Variants in GFRA2 observed in about 807,000 individuals in gnomAD.
GFRA2 encodes the protein GDNF family receptor alpha 2.
Under a neutral mutation model 48.3 loss-of-function variants are expected in GFRA2, and 17 were observed. The ratio of observed to expected loss-of-function variants is 0.35; its 90% confidence interval spans 0.24 to 0.53. The LOEUF is 0.53. GFRA2 is among the 20% of genes least tolerant of loss of function. GFRA2 has a pLI of 0.93. For missense variants in GFRA2, 660 were observed against 637.3 expected (o/e 1.04, Z -0.38); for synonymous variants, 305 against 257.2 (o/e 1.19, Z -1.78).
intron 4 of GFRA2, among the ~76,000 whole-genome samples, chr8:21,743,251 G>A (rs1220224731): frequency 3.9e-5 from 6 of 152,040 alleles, no homozygotes; most frequent in East Asian, 1.9e-4. Flanking sequence ...TTTTCCCCCC[G>A]ACACTCCTCT....
At chr8:21,791,263 C>G (rs1394287608), upstream of GFRA2, among the ~76,000 whole-genome samples, 1 of 152,158 alleles carries the variant, frequency 6.6e-6, no homozygotes, top group African/African-American at 2.4e-5. Flanking sequence ...CACTGAGCTC[C>G]CACGGGAGTA....
intron 4 of GFRA2, among the ~76,000 whole-genome samples, chr8:21,734,639 C>T (rs1804360636): frequency 6.6e-6 from 1 of 152,234 alleles, no homozygotes; most frequent in Non-Finnish European, 1.5e-5. Flanking sequence ...TCGCCCTGTG[C>T]CATGGAAGCT....
Position 21,785,557 on chromosome 8 carries a change from G to A in GFRA2, c.40+2563C>T, listed in dbSNP as rs1807228415. Among the ~76,000 whole-genome samples, 3 of 152,318 alleles carry A rather than the reference G, an allele frequency of 2.0e-5. No homozygotes were observed. In the South Asian group the frequency reaches 6.2e-4, roughly 32 times the overall value. Reference sequence around the variant, plus strand: ...ATCAAGACACAGGGAGTAGCTGCTAGAGACACAGGGGTAGAGGGGGGTGGA... The same window carrying A: ...ATCAAGACACAGGGAGTAGCTGCTAAAGACACAGGGGTAGAGGGGGGTGGA... On this transcript the variant is annotated intron_variant, in intron 1 of 8. Coordinates refer to ENST00000524240, the MANE Select transcript of GFRA2 (RefSeq NM_001495.5).
At chr8:21,736,829 T>A (rs1804487716) in intron 4 of GFRA2, among the ~76,000 whole-genome samples, 1 of 149,184 alleles carries the variant, frequency 6.7e-6, no homozygotes, top group Admixed American at 6.8e-5. Context: ...AGGGCTTTTA[T>A]AATCAACAAA....
chr8:21,756,249 AG>A (rs1368203194), intron 3 of GFRA2, among the ~76,000 whole-genome samples: 1 of 152,182 alleles, frequency 6.6e-6, no homozygotes, highest in Non-Finnish European at 1.5e-5. Context: ...AGCTTTTGCT[AG>A]GGGGCAGAAC....
chr8:21,703,990 C>A (rs1030182959), intron 6 of GFRA2, among the ~76,000 whole-genome samples: 11 of 152,274 alleles, frequency 7.2e-5, no homozygotes, highest in Admixed American at 2.0e-4. Flanking sequence ...ACCACTGTCA[C>A]CCCTGCAGGA....
At chr8:21,720,892 G>C (rs193170108) in intron 4 of GFRA2, among the ~76,000 whole-genome samples, 1 of 152,024 alleles carries the variant, frequency 6.6e-6, no homozygotes, top group East Asian at 1.9e-4. Flanking sequence ...CTTCAGAATA[G>C]AAACCATCTT....
intron 4 of GFRA2, among the ~76,000 whole-genome samples, chr8:21,711,473 C>T (rs751811959): frequency 1.2e-4 from 19 of 152,228 alleles, no homozygotes; most frequent in South Asian, 1.2e-3. Context: ...CCTCTCTGGG[C>T]GTGTTTCCTT....
Position 21,693,382 on chromosome 8 carries a change from GGAT to G in GFRA2, c.1288_1290del (p.Ile430del), listed in dbSNP as rs1563208633. On this transcript the variant is annotated inframe_deletion, in exon 9 of 9. Coordinates refer to ENST00000524240, the MANE Select transcript of GFRA2 (RefSeq NM_001495.5). ...GGTTTGATCACCTTGTTACTCCCTG[GGAT>G]GATATTTGTCGTGAGCTGAGTCCGC... 1.7e-5 allele frequency: 27 copies of G among 1,611,600 alleles called. No homozygotes were observed. The highest frequency in any genetic ancestry group is 5.0e-5 in the Admixed American group (3 of 59,700).
At chr8:21,811,295 T>C (rs1342211419) in intron 1 of GFRA2, among the ~76,000 whole-genome samples, 4 of 152,198 alleles carry the variant, frequency 2.6e-5, no homozygotes. Flanking sequence ...CGGCCAGAGC[T>C]GGACTGAGAT....
At chr8:21,789,071 G>A, upstream of GFRA2, 1 of 159,810 alleles carries the variant, frequency 6.3e-6, no homozygotes, top group Non-Finnish European at 1.3e-5. Context: ...GAGCTACGAT[G>A]CTCTGCAGCG....
rs148527611 is a variant in GFRA2, at chr8:21,693,568, G to A, written c.1273-168C>T. The stretch of plus-strand genomic sequence containing the variant: ...TCCTTTGCACTCTGAAGGGAGCGCT[G>A]ACTCTCCCGGAGCTGGCCCAGGCAG... On this transcript the variant is annotated intron_variant, in intron 8 of 8. Transcript: ENST00000524240. Among the ~76,000 whole-genome samples the A allele has an allele frequency of 2.8e-4, 42 of 152,180 alleles. No homozygotes were observed. In the East Asian group the frequency reaches 6.8e-3, roughly 25 times the overall value.
chr8:21,720,810 G>T (rs1256005058), intron 4 of GFRA2, among the ~76,000 whole-genome samples: 1 of 152,134 alleles, frequency 6.6e-6, no homozygotes, highest in African/African-American at 2.4e-5. Flanking sequence ...ACAAACTCCA[G>T]TTATCGCACT....
chr8:21,701,236 T>C (rs972799010), intron 7 of GFRA2, among the ~76,000 whole-genome samples: 4 of 151,896 alleles, frequency 2.6e-5, no homozygotes, highest in Non-Finnish European at 4.4e-5. Context: ...CTACTAAAAA[T>C]AAAAAATATT....
rs922621153 is a variant in GFRA2, at chr8:21,736,312, GA to G, written c.794+14275del. Among the ~76,000 whole-genome samples the G allele has an allele frequency of 2.2e-3, 338 of 150,664 alleles. 2 individuals are homozygous for G. The highest frequency in any genetic ancestry group is 7.8e-3 in the African/African-American group (321 of 41,090). ...AAAATGTTAACAATGTATTTAGAGAGAAAAAAAAATAGCCTACAAAACAACA... is the reference window on the plus strand; with the variant it reads ...AAAATGTTAACAATGTATTTAGAGAGAAAAAAAATAGCCTACAAAACAACA... On this transcript the variant is annotated intron_variant, in intron 4 of 8. Coordinates refer to ENST00000524240, the MANE Select transcript of GFRA2 (RefSeq NM_001495.5).
At chr8:21,711,544 C>T (rs1803024234) in intron 4 of GFRA2, among the ~76,000 whole-genome samples, 2 of 152,160 alleles carry the variant, frequency 1.3e-5, no homozygotes, top group Non-Finnish European at 2.9e-5. Context: ...GAGAGAGAGA[C>T]ACTTGACCCC....
At chr8:21,701,292 G>A (rs1802462218) in intron 7 of GFRA2, among the ~76,000 whole-genome samples, 1 of 152,218 alleles carries the variant, frequency 6.6e-6, no homozygotes, top group Non-Finnish European at 1.5e-5. Context: ...TACTCGGGAG[G>A]CTGAGGCAGG....
intron 8 of GFRA2, among the ~76,000 whole-genome samples, chr8:21,694,055 T>TATATA (rs1802021821): frequency 2.6e-5 from 2 of 77,466 alleles, no homozygotes; most frequent in Non-Finnish European, 5.7e-5. Flanking sequence ...ATATATATAT[T>TATATA]TATATATATA....
chr8:21,791,817 A>C (rs1807578738), upstream of GFRA2, among the ~76,000 whole-genome samples: 1 of 152,240 alleles, frequency 6.6e-6, no homozygotes, highest in African/African-American at 2.4e-5. Context: ...GGCAAATGAG[A>C]AGCAGAAACA....
Sources: allele counts gnomAD v4.1 joint callset (sites outside exome capture counted in the v4.1 genomes callset), GRCh38; gene constraint gnomAD v4.1.1; transcripts MANE v1.5; gene names NCBI Gene and HGNC (gene_info 2026-07-23, HGNC 2026-07-21).